Variants in DLG2 observed in about 807,000 individuals in gnomAD.
The protein encoded by DLG2 is disks large homolog 2.
Under a neutral mutation model 132.5 loss-of-function variants are expected in DLG2, and 45 were observed. That is an observed-to-expected ratio of 0.34 (90% CI 0.27 to 0.44). The LOEUF is 0.44. Among genes scored for constraint, DLG2 ranks in the 20% least tolerant of loss-of-function variants. The pLI is 1.00. For missense variants in DLG2, 1,045 were observed against 1,196.9 expected (o/e 0.87, Z 1.87); for synonymous variants, 424 against 419.6 (o/e 1.01, Z -0.13).
At chr11:84,541,042 G>A (rs1278492179) in intron 6 of DLG2, among the ~76,000 whole-genome samples, 1 of 152,072 alleles carries the variant, frequency 6.6e-6, no homozygotes, top group Non-Finnish European at 1.5e-5. Context: ...GACCTGTCAT[G>A]TGGTGGAGGG....
chr11:84,893,326 A>C (rs2089709692), intron 6 of DLG2, among the ~76,000 whole-genome samples: 1 of 152,154 alleles, frequency 6.6e-6, no homozygotes, highest in African/African-American at 2.4e-5. Flanking sequence ...TATGTGCCTA[A>C]TTCATTTTTT....
chr11:84,910,315 C>T (rs1241349350), intron 6 of DLG2, among the ~76,000 whole-genome samples: 3 of 152,138 alleles, frequency 2.0e-5, no homozygotes, highest in Non-Finnish European at 2.9e-5. Context: ...GGTGAAGCTT[C>T]AATTTTTCTT....
At chr11:85,583,130 G>GTATA (rs3068386) in intron 3 of DLG2, among the ~76,000 whole-genome samples, 242 of 13,580 alleles carry the variant, frequency 0.018, 8 homozygotes, top group South Asian at 0.03. Flanking sequence ...GTGTGTGTGT[G>GTATA]TATATATATA....
At chr11:84,442,320 A>T (rs2099019613) in intron 7 of DLG2, among the ~76,000 whole-genome samples, 1 of 152,070 alleles carries the variant, frequency 6.6e-6, no homozygotes, top group Non-Finnish European at 1.5e-5. Flanking sequence ...TTCTCCTTGA[A>T]GGGGTCCTTT....
intron 3 of DLG2, among the ~76,000 whole-genome samples, chr11:85,316,860 C>T (rs488668): frequency 0.87 from 132,823 of 151,924 alleles, 58,481 homozygotes; most frequent in Non-Finnish European, 0.93. Flanking sequence ...AATAAAAGTA[C>T]GGTCCCCACC....
At chr11:84,428,453 T>C (rs2098974025) in intron 7 of DLG2, among the ~76,000 whole-genome samples, 1 of 152,102 alleles carries the variant, frequency 6.6e-6, no homozygotes, top group Non-Finnish European at 1.5e-5. Flanking sequence ...CAAAAGAAAT[T>C]TATTTTATCA....
chr11:84,149,326 T>C (rs972976654), intron 9 of DLG2, among the ~76,000 whole-genome samples: 9 of 152,310 alleles, frequency 5.9e-5, no homozygotes, highest in Non-Finnish European at 1.2e-4. Context: ...TCTTGGGCTT[T>C]CTTTTAGGAT....
At chr11:83,933,721 G>GC (rs113110428) in intron 14 of DLG2, among the ~76,000 whole-genome samples, 12,991 of 152,160 alleles carry the variant, frequency 0.085, 860 homozygotes, top group African/African-American at 0.18. Flanking sequence ...TGGACCACTT[G>GC]CACTATCAAA....
chr11:85,308,285 A>G lies in DLG2; in HGVS notation c.41-22920T>C, dbSNP rs568929333. Among the ~76,000 whole-genome samples the G allele has an allele frequency of 1.1e-4, 16 of 151,876 alleles. No individual in the cohort carries two copies. In the South Asian group the frequency reaches 2.9e-3, roughly 28 times the overall value. On this transcript the variant is annotated intron_variant, in intron 3 of 27. Transcript: ENST00000376104. ...AAGGGGAAAAAAGGAATTAAAAAAA[A>G]AAACTGACCCACAAAATATGCTAGT...
intron 7 of DLG2, among the ~76,000 whole-genome samples, chr11:84,528,886 T>A (rs1217168315): frequency 6.6e-6 from 1 of 152,198 alleles, no homozygotes; most frequent in Non-Finnish European, 1.5e-5. Context: ...GCTATAAAAA[T>A]GCTAGTGCTT....
At chr11:84,542,289 T>C (rs2099376214) in intron 6 of DLG2, among the ~76,000 whole-genome samples, 1 of 152,198 alleles carries the variant, frequency 6.6e-6, no homozygotes, top group Non-Finnish European at 1.5e-5. Flanking sequence ...TCACAGAAAT[T>C]ATCCCACTTA....
chr11:85,467,236 A>G (rs1299479573), intron 3 of DLG2, among the ~76,000 whole-genome samples: 1 of 152,198 alleles, frequency 6.6e-6, no homozygotes, highest in African/African-American at 2.4e-5. Flanking sequence ...TTCTAGATAT[A>G]CAATCATGTA....
At chr11:85,106,070 T>A (rs1229499193) in intron 6 of DLG2, among the ~76,000 whole-genome samples, 1 of 151,694 alleles carries the variant, frequency 6.6e-6, no homozygotes, top group Non-Finnish European at 1.5e-5. Flanking sequence ...TTAGACTGAA[T>A]GATCCTGAAT....
chr11:84,202,591 T>C (rs1019635540), intron 8 of DLG2, among the ~76,000 whole-genome samples: 7 of 152,090 alleles, frequency 4.6e-5, no homozygotes, highest in Admixed American at 6.5e-5. Context: ...CCAAAAGCAA[T>C]TGAAACAAAA....
At chr11:84,017,172 T>G (rs564685089) in intron 11 of DLG2, among the ~76,000 whole-genome samples, 11 of 152,162 alleles carry the variant, frequency 7.2e-5, no homozygotes, top group Admixed American at 2.0e-4. Flanking sequence ...AGAGAACAAC[T>G]AGCCAATGAA....
At position 83,972,588 on chromosome 11, in the gene DLG2, A is replaced by T. The variant is rs560405863; in HGVS notation, c.1057-7120T>A. On this transcript the variant is annotated intron_variant, in intron 12 of 27. Transcript: ENST00000376104. Reference sequence around the variant, plus strand: ...AGATCATATTCATCTCTATTCCCCTAGCTGATGCAATATAAATAGTTGGCA... The same window carrying T: ...AGATCATATTCATCTCTATTCCCCTTGCTGATGCAATATAAATAGTTGGCA... Among the ~76,000 whole-genome samples, 5 of 152,256 alleles carry T rather than the reference A, an allele frequency of 3.3e-5. No individual in the cohort carries two copies. The East Asian group carries it at 9.6e-4, about 29-fold the overall frequency.
chr11:85,160,173 A>T (rs886156292), intron 4 of DLG2, among the ~76,000 whole-genome samples: 8 of 152,214 alleles, frequency 5.3e-5, no homozygotes, highest in Non-Finnish European at 1.2e-4. Context: ...GAAGCAACAC[A>T]TTCCTCATTT....
chr11:85,227,577 A>G (rs1350913640), intron 4 of DLG2, among the ~76,000 whole-genome samples: 1 of 152,174 alleles, frequency 6.6e-6, no homozygotes, highest in Non-Finnish European at 1.5e-5. Context: ...AGTATTTTCT[A>G]TCTGCCTTGC....
At chr11:84,595,113 A>G (rs1213800711) in intron 6 of DLG2, among the ~76,000 whole-genome samples, 1 of 152,130 alleles carries the variant, frequency 6.6e-6, no homozygotes, top group African/African-American at 2.4e-5. Context: ...TCTCATACCT[A>G]TCTTGAATAT....
Sources: allele counts gnomAD v4.1 joint callset (sites outside exome capture counted in the v4.1 genomes callset), GRCh38; gene constraint gnomAD v4.1.1; transcripts MANE v1.5; gene names NCBI Gene and HGNC (gene_info 2026-07-23, HGNC 2026-07-21).